Variants in POU1F1 observed in about 807,000 individuals in gnomAD.
POU1F1 encodes the protein pituitary-specific positive transcription factor 1.
POU1F1 carries 23 observed loss-of-function variants against 32.3 expected under a neutral mutation model. That is an observed-to-expected ratio of 0.71 (90% CI 0.51 to 1.01). The LOEUF (loss-of-function observed/expected upper bound fraction) is 1.01, where lower values mean the gene tolerates loss of function less well. Among genes scored for constraint, POU1F1 ranks in the 50% least tolerant of loss-of-function variants. POU1F1 has a pLI of 0.00. For missense variants in POU1F1, 323 were observed against 341.6 expected, an observed-to-expected ratio of 0.95 and a Z score of 0.43; for synonymous variants, 120 against 115.6, an observed-to-expected ratio of 1.04 and a Z score of -0.25.
intron 2 of POU1F1, among the ~76,000 whole-genome samples, chr3:87,271,367 A>G (rs1022273599): frequency 2.6e-5 from 4 of 152,156 alleles, no homozygotes; most frequent in African/African-American, 7.2e-5. Context: ...CTGATTAGGC[A>G]GGGTGGGAGT....
At chr3:87,270,421 G>T (rs1000235489) in intron 2 of POU1F1, among the ~76,000 whole-genome samples, 1 of 152,086 alleles carries the variant, frequency 6.6e-6, no homozygotes, top group Non-Finnish European at 1.5e-5. Flanking sequence ...ACGTACAGTG[G>T]ATTCATCTGA....
At chr3:87,268,285 T>C (rs1363130586) in intron 2 of POU1F1, among the ~76,000 whole-genome samples, 1 of 151,864 alleles carries the variant, frequency 6.6e-6, no homozygotes, top group Non-Finnish European at 1.5e-5. Flanking sequence ...TATAATTTTT[T>C]ATTTAGAGAC....
chr3:87,267,399 A>T (rs1448201136), intron 2 of POU1F1, among the ~76,000 whole-genome samples: 2 of 152,226 alleles, frequency 1.3e-5, no homozygotes, highest in Admixed American at 6.5e-5. Flanking sequence ...TAAGCATTGC[A>T]GTAAGCCACA....
At chr3:87,266,729 G>A (rs1392132294) in intron 2 of POU1F1, among the ~76,000 whole-genome samples, 1 of 151,780 alleles carries the variant, frequency 6.6e-6, no homozygotes, top group Non-Finnish European at 1.5e-5. Flanking sequence ...TTGCCGTGGG[G>A]TTTATTTTTA....
intron 3 of POU1F1, among the ~76,000 whole-genome samples, chr3:87,263,392 G>T (rs1706546431): frequency 6.6e-6 from 1 of 151,962 alleles, no homozygotes; most frequent in African/African-American, 2.4e-5. Flanking sequence ...TTTATTTTGT[G>T]TTATAGTTAT....
At chr3:87,275,561 A>G (rs1371519688) in intron 1 of POU1F1, among the ~76,000 whole-genome samples, 1 of 152,010 alleles carries the variant, frequency 6.6e-6, no homozygotes, top group African/African-American at 2.4e-5. Flanking sequence ...TTGTAAATCA[A>G]CTCTAAAACA....
chr3:87,267,924 G>A (rs373392351), intron 2 of POU1F1, among the ~76,000 whole-genome samples: 1 of 152,024 alleles, frequency 6.6e-6, no homozygotes. Flanking sequence ...TTGAAAGGTA[G>A]TTTATACATT....
intron 2 of POU1F1, among the ~76,000 whole-genome samples, chr3:87,272,299 T>C (rs1706742697): frequency 6.6e-6 from 1 of 152,134 alleles, no homozygotes; most frequent in Non-Finnish European, 1.5e-5. Flanking sequence ...AGAATTTCTT[T>C]TCTTTTCTTT....
At chr3:87,265,789 T>C (rs1706609317) in intron 2 of POU1F1, among the ~76,000 whole-genome samples, 2 of 151,942 alleles carry the variant, frequency 1.3e-5, no homozygotes, top group South Asian at 4.1e-4. Flanking sequence ...TGTGCCTAGG[T>C]TATATGCAAA....
chr3:87,275,490 A>G (rs968910286), intron 1 of POU1F1, among the ~76,000 whole-genome samples: 2 of 152,088 alleles, frequency 1.3e-5, no homozygotes, highest in East Asian at 1.9e-4. Context: ...AAACAAGTGG[A>G]AAGTGAATAT....
chr3:87,273,229 A>G (rs1016465675), intron 2 of POU1F1, 118 bp downstream of exon 2: 26 of 1,127,860 alleles, frequency 2.3e-5, no homozygotes, highest in East Asian at 2.0e-4. Context: ...TTTAACAGTA[A>G]TTTTCAAAGT....
At chr3:87,270,192 A>G (rs75037750) in intron 2 of POU1F1, among the ~76,000 whole-genome samples, 1,618 of 152,244 alleles carry the variant, frequency 0.011, 43 homozygotes, top group African/African-American at 0.037. Context: ...CTGCAAGAGT[A>G]CGTGAAGAGA....
At chr3:87,260,869 TTTTTTTA>T (rs1205957431) in intron 5 of POU1F1, among the ~76,000 whole-genome samples, 40 of 6,514 alleles carry the variant, frequency 6.1e-3, no homozygotes, top group Middle Eastern at 0.042. Flanking sequence ...ATTATTATTT[TTTTTTTA>T]TTTATTTATT....
At chr3:87,261,183 T>A in intron 5 of POU1F1, 90 bp downstream of exon 5, 1 of 981,824 alleles carries the variant, frequency 1.0e-6, no homozygotes, top group Non-Finnish European at 1.6e-6. Context: ...TACATTTATA[T>A]GTTATGTTAC....
chr3:87,275,780 G>C (rs1575984183), intron 1 of POU1F1, among the ~76,000 whole-genome samples: 1 of 152,092 alleles, frequency 6.6e-6, no homozygotes, highest in African/African-American at 2.4e-5. Flanking sequence ...GTTATTTCTT[G>C]CTATAATTTC....
chr3:87,272,564 T>G (rs182814656), intron 2 of POU1F1, among the ~76,000 whole-genome samples: 1 of 152,136 alleles, frequency 6.6e-6, no homozygotes, highest in African/African-American at 2.4e-5. Flanking sequence ...GATGAATAGA[T>G]CTCATAAGCC....
At chr3:87,273,464 T>A (rs1706764674) in intron 1 of POU1F1, 46 bp from the exon 2 acceptor site, 1 of 1,610,076 alleles carries the variant, frequency 6.2e-7, no homozygotes, top group African/African-American at 1.3e-5. Context: ...CACAAACATT[T>A]AGGAGTTTGG....
rs1415008371 is a variant in POU1F1 at position 87,262,057 on chromosome 3, A to G, written c.604+14T>C. 1.2e-6 allele frequency: 2 copies of G among 1,613,928 alleles called. No homozygotes were observed. The highest frequency in any genetic ancestry group is 2.2e-5 in the East Asian group (1 of 44,868). On this transcript the variant is annotated intron_variant, in intron 4 of 5. Coordinates refer to ENST00000350375, the MANE Select transcript of POU1F1 (RefSeq NM_000306.4). ...TTAAAACACAGCACAGCCTTCAGAG[A>G]CACAATTTAGTACCTCCTACTTGCT...
Position 87,264,283 on chromosome 3 carries a change from C to CAGGA in POU1F1, c.439+4_439+5insTCCT. The CAGGA allele has an allele frequency of 6.2e-7, 1 of 1,603,302 alleles. No individual in the cohort carries two copies. The highest frequency in any genetic ancestry group is 8.5e-7 in the Non-Finnish European group (1 of 1,170,286). On this transcript the variant is annotated splice_donor_region_variant and intron_variant, in intron 3 of 5. Coordinates refer to ENST00000350375, the MANE Select transcript of POU1F1 (RefSeq NM_000306.4). Reference sequence around the variant, plus strand: ...TTTTTCCTGTTGCCTTTAACAAGCACATACCTAATTTAATTCGTCTCACTT... The same window carrying CAGGA: ...TTTTTCCTGTTGCCTTTAACAAGCACAGGAATACCTAATTTAATTCGTCTCACTT...
Sources: allele counts gnomAD v4.1 joint callset (sites outside exome capture counted in the v4.1 genomes callset), GRCh38; gene constraint gnomAD v4.1.1; transcripts MANE v1.5; gene names NCBI Gene and HGNC (gene_info 2026-07-23, HGNC 2026-07-21).